NLGN1: variants seen among roughly 807,000 people sequenced by gnomAD.
NLGN1 encodes the protein neuroligin 1, also known as neuroligin-1.
In NLGN1, 12 loss-of-function variants were observed where a neutral mutation model predicts 65.5. The ratio of observed to expected loss-of-function variants is 0.18; its 90% CI spans 0.12 to 0.30. The LOEUF is 0.30. Among genes scored for constraint, NLGN1 ranks in the 10% least tolerant of loss-of-function variants. The pLI, the probability that NLGN1 is intolerant of heterozygous loss-of-function variation, is 1.00. For synonymous variants in NLGN1, 350 were observed against 359.5 expected (o/e 0.97, Z 0.30); for missense variants, 750 against 1,007.1 (o/e 0.74, Z 3.46).
rs1228192518 is a variant in NLGN1, at chr3:173,964,335, G to A, written c.646+156503G>A. On this transcript the variant is annotated intron_variant, in intron 4 of 6. Coordinates refer to ENST00000457714, the Ensembl canonical transcript of NLGN1. The stretch of plus-strand genomic sequence containing the variant: ...ACCATACTGAAATTACACATTGTCC[G>A]TGATAGAAAGGTCCTTAGGGTTATC... Among the ~76,000 whole-genome samples, 6 of 152,150 alleles carry A rather than the reference G, an allele frequency of 3.9e-5. No individual in the cohort carries two copies. The East Asian group carries it at 7.7e-4, about 20-fold the overall frequency.
chr3:173,903,318 C>A (rs1737728147), intron 4 of NLGN1, among the ~76,000 whole-genome samples: 1 of 151,998 alleles, frequency 6.6e-6, no homozygotes, highest in Non-Finnish European at 1.5e-5. Context: ...GACTCAGCTA[C>A]TGACTGAATG....
intron 4 of NLGN1, among the ~76,000 whole-genome samples, chr3:173,943,391 G>T (rs1165409911): frequency 1.3e-5 from 2 of 152,138 alleles, no homozygotes; most frequent in Admixed American, 6.5e-5. Context: ...GAACCAAACA[G>T]CTCTTAAGGC....
At chr3:173,641,555 T>G (rs554546256) in intron 3 of NLGN1, among the ~76,000 whole-genome samples, 1 of 152,316 alleles carries the variant, frequency 6.6e-6, no homozygotes, top group South Asian at 2.1e-4. Flanking sequence ...CCTCCCAAAG[T>G]GCTGGAATTA....
chr3:173,912,534 C>T (rs1265070800), intron 4 of NLGN1: 1 of 152,010 alleles, frequency 6.6e-6, no homozygotes, highest in African/African-American at 2.4e-5. Flanking sequence ...GGTATATGCC[C>T]CATGTATCTA....
At chr3:173,736,653 T>TA (rs34507331) in intron 3 of NLGN1, among the ~76,000 whole-genome samples, 33,985 of 148,854 alleles carry the variant, frequency 0.23, 3,827 homozygotes, top group Admixed American at 0.26. Flanking sequence ...CCATTGCAGA[T>TA]AAAAAAAAAA....
chr3:174,070,622 G>T (rs532341775), intron 4 of NLGN1, among the ~76,000 whole-genome samples: 1 of 152,056 alleles, frequency 6.6e-6, no homozygotes, highest in Non-Finnish European at 1.5e-5. Flanking sequence ...GAGCCACCGC[G>T]CCCGGCCTTA....
intron 3 of NLGN1, among the ~76,000 whole-genome samples, chr3:173,754,755 T>G (rs540924649): frequency 1.3e-5 from 2 of 152,180 alleles, no homozygotes; most frequent in Non-Finnish European, 2.9e-5. Flanking sequence ...CTGAATCTTC[T>G]TAAAGATCTG....
intron 4 of NLGN1, among the ~76,000 whole-genome samples, chr3:174,125,078 A>G (rs912056590): frequency 6.6e-6 from 1 of 152,124 alleles, no homozygotes; most frequent in Non-Finnish European, 1.5e-5. Context: ...CCAGATTATA[A>G]GGTAGCATTT....
chr3:174,285,159 T>C (rs1020041694), exon 7 of NLGN1: 1 of 151,458 alleles, frequency 6.6e-6, no homozygotes, highest in Non-Finnish European at 1.5e-5. Context: ...ATTCTTTTCT[T>C]TGGCGAGTTT....
intron 4 of NLGN1, among the ~76,000 whole-genome samples, chr3:173,931,503 A>C (rs1200109898): frequency 6.6e-6 from 1 of 152,160 alleles, no homozygotes; most frequent in Non-Finnish European, 1.5e-5. Context: ...TCTTGTGGCT[A>C]TCTAGGAAAG....
chr3:173,673,852 A>G (rs1343182271), intron 3 of NLGN1, among the ~76,000 whole-genome samples: 1 of 152,134 alleles, frequency 6.6e-6, no homozygotes, highest in South Asian at 2.1e-4. Flanking sequence ...TTGAAAATGA[A>G]AGTACACTCC....
intron 1 of NLGN1, among the ~76,000 whole-genome samples, chr3:173,414,213 G>C (rs1159356543): frequency 1.3e-5 from 2 of 152,164 alleles, no homozygotes; most frequent in South Asian, 4.1e-4. Context: ...CTGTGTTGCT[G>C]ACTTAACAGA....
At chr3:173,580,643 C>T (rs1223515772) in intron 2 of NLGN1, among the ~76,000 whole-genome samples, 5 of 151,944 alleles carry the variant, frequency 3.3e-5, no homozygotes, top group Non-Finnish European at 7.4e-5. Flanking sequence ...GAATTTGATT[C>T]ACATTTTTAT....
At chr3:173,548,164 C>T (rs1176112413) in intron 2 of NLGN1, among the ~76,000 whole-genome samples, 1 of 152,082 alleles carries the variant, frequency 6.6e-6, no homozygotes, top group South Asian at 2.1e-4. Flanking sequence ...CCTTCACTTA[C>T]CATATGCAGC....
intron 4 of NLGN1, among the ~76,000 whole-genome samples, chr3:174,150,411 A>G (rs889043616): frequency 6.6e-6 from 1 of 152,064 alleles, no homozygotes; most frequent in Non-Finnish European, 1.5e-5. Flanking sequence ...TCTCTTGTGC[A>G]CTGTAGGATG....
chr3:173,798,272 A>AT (rs1714617090), intron 3 of NLGN1, among the ~76,000 whole-genome samples: 1 of 152,198 alleles, frequency 6.6e-6, no homozygotes, highest in Non-Finnish European at 1.5e-5. Context: ...CTGCATTTAA[A>AT]TTGTGTTGCT....
intron 4 of NLGN1, among the ~76,000 whole-genome samples, chr3:173,977,305 G>A (rs1366847110): frequency 2.0e-5 from 3 of 151,856 alleles, no homozygotes; most frequent in Non-Finnish European, 4.4e-5. Flanking sequence ...ATAGGAGGGG[G>A]AAACATGTCT....
At chr3:173,742,455 T>C (rs1239622507) in intron 3 of NLGN1, among the ~76,000 whole-genome samples, 1 of 152,196 alleles carries the variant, frequency 6.6e-6, no homozygotes, top group African/African-American at 2.4e-5. Flanking sequence ...TTCTATACAT[T>C]TTATATGCAA....
At chr3:174,261,010 T>C (rs1161972411) in intron 4 of NLGN1, among the ~76,000 whole-genome samples, 2 of 152,058 alleles carry the variant, frequency 1.3e-5, no homozygotes, top group South Asian at 2.1e-4. Context: ...TGCGGTGTTA[T>C]TTCTTAGGGC....
Sources: gnomAD v4.1 joint callset for allele counts (sites outside exome capture counted in the v4.1 genomes callset) on GRCh38, gnomAD v4.1.1 for gene constraint, MANE v1.5 for transcripts, NCBI Gene and HGNC (gene_info 2026-07-23, HGNC 2026-07-21) for gene names.